TACC2: variants seen among roughly 807,000 people sequenced by gnomAD.
The protein encoded by TACC2 is transforming acidic coiled-coil-containing protein 2.
TACC2 carries 137 observed loss-of-function variants against 227.3 expected under a neutral mutation model. The ratio of observed to expected loss-of-function variants is 0.60; its 90% confidence interval spans 0.52 to 0.69. The LOEUF (loss-of-function observed/expected upper bound fraction) is 0.69, where lower values mean the gene tolerates loss of function less well. Ranked by LOEUF, TACC2 falls within the 30% of genes least tolerant of loss-of-function variation. TACC2 has a pLI of 0.00. For missense variants in TACC2, 3,470 were observed against 3,694.4 expected (o/e 0.94, Z 1.57); for synonymous variants, 1,523 against 1,487.5 (o/e 1.02, Z -0.55).
In TACC2 at chr10:121,999,243, G is replaced by A. The variant is rs541107598; in HGVS notation, c.-46+9755G>A. Among the ~76,000 whole-genome samples, 24 of 152,224 alleles carry A rather than the reference G, an allele frequency of 1.6e-4. No homozygotes were observed. The South Asian group carries it at 3.3e-3, about 21-fold the overall frequency. On this transcript the variant is annotated intron_variant, in intron 1 of 22. Coordinates refer to ENST00000369005, the MANE Select transcript of TACC2 (RefSeq NM_206862.4). ...AGGATGGTCTCAATCTCCTGAACTC[G>A]TGATTGGAATGGCCATTTCTAAGTG...
chr10:122,070,097 T>C (rs1157271437), intron 3 of TACC2, among the ~76,000 whole-genome samples: 2 of 152,184 alleles, frequency 1.3e-5, no homozygotes, highest in Non-Finnish European at 2.9e-5. Context: ...GCAATGAGGA[T>C]TTATTCTAAA....
At chr10:121,991,803 C>A (rs1021825198) in intron 1 of TACC2, among the ~76,000 whole-genome samples, 1 of 152,146 alleles carries the variant, frequency 6.6e-6, no homozygotes, top group Admixed American at 6.5e-5. Flanking sequence ...AAAGACATGC[C>A]CAAGATGGGC....
chr10:122,251,636 G>T (rs2096257222), intron 22 of TACC2, among the ~76,000 whole-genome samples: 1 of 152,186 alleles, frequency 6.6e-6, no homozygotes, highest in African/African-American at 2.4e-5. Flanking sequence ...GAAGTTCGAG[G>T]CTGTAGTGCA....
chr10:122,061,412 G>A (rs2076813897), intron 3 of TACC2, among the ~76,000 whole-genome samples: 1 of 152,094 alleles, frequency 6.6e-6, no homozygotes, highest in Non-Finnish European at 1.5e-5. Flanking sequence ...AGGTGTGTCT[G>A]CCGAGTTCCA....
intron 5 of TACC2, among the ~76,000 whole-genome samples, chr10:122,102,049 C>T (rs1424439009): frequency 2.0e-5 from 3 of 152,010 alleles, no homozygotes; most frequent in Admixed American, 1.3e-4. Flanking sequence ...AGTGTGCTTA[C>T]GCAGACCTAG....
intron 7 of TACC2, among the ~76,000 whole-genome samples, chr10:122,145,880 T>G (rs2091308805): frequency 2.0e-5 from 3 of 152,144 alleles, no homozygotes; most frequent in Admixed American, 2.0e-4. Flanking sequence ...GATCTCACCT[T>G]TAGCCCTGGA....
chr10:122,129,530 C>A (rs2087621689), intron 5 of TACC2, among the ~76,000 whole-genome samples: 1 of 152,194 alleles, frequency 6.6e-6, no homozygotes, highest in South Asian at 2.1e-4. Flanking sequence ...AAAATGAATT[C>A]TTGGAAGAAC....
At chr10:122,237,903 C>G (rs374576336) in intron 17 of TACC2, 58 bp from the exon 18 acceptor site, 2 of 1,299,262 alleles carry the variant, frequency 1.5e-6, no homozygotes, top group Non-Finnish European at 2.2e-6. Flanking sequence ...CTATGAATTG[C>G]TCAGAGCTGA....
At chr10:122,075,603 G>A (rs1015233186) in intron 3 of TACC2, among the ~76,000 whole-genome samples, 1 of 152,120 alleles carries the variant, frequency 6.6e-6, no homozygotes, top group Non-Finnish European at 1.5e-5. Context: ...CTAATTTGAG[G>A]GCCCAGGCAG....
At position 122,126,318 on chromosome 10, in the gene TACC2, G is replaced by C. The variant is rs544955451; in HGVS notation, c.5574-6291G>C. ...ATTCCATGGGTTATAATCCAGAACTGTGTGTGTGTGTGTGTGTGTGTGTGT... is the reference window on the plus strand; with the variant it reads ...ATTCCATGGGTTATAATCCAGAACTCTGTGTGTGTGTGTGTGTGTGTGTGT... On this transcript the variant is annotated intron_variant, in intron 5 of 22. Coordinates refer to ENST00000369005, the MANE Select transcript of TACC2 (RefSeq NM_206862.4). 2.5e-3 allele frequency among the ~76,000 whole-genome samples: 192 copies of C among 78,274 alleles called. 1 individual carries two copies. The highest frequency in any genetic ancestry group is 0.022 in the African/African-American group (187 of 8,352). 51.4% of individuals were successfully genotyped at this position (78,274 alleles called of 152,430 possible).
intron 7 of TACC2, among the ~76,000 whole-genome samples, chr10:122,160,187 T>C (rs932290814): frequency 1.3e-5 from 2 of 152,228 alleles, no homozygotes; most frequent in Non-Finnish European, 2.9e-5. Context: ...ATGGATGCAT[T>C]CCTTGATTTA....
chr10:122,203,634 T>C (rs1188475930), intron 8 of TACC2, among the ~76,000 whole-genome samples: 49 of 145,580 alleles, frequency 3.4e-4, no homozygotes, highest in Admixed American at 3.1e-3. Context: ...ACTTCCCAGA[T>C]GGGATGGCGG....
chr10:122,230,115 G>A (rs888423719), intron 15 of TACC2, among the ~76,000 whole-genome samples: 3 of 152,152 alleles, frequency 2.0e-5, no homozygotes, highest in Admixed American at 6.5e-5. Context: ...AAATCATTTC[G>A]TATTCAACTG....
In TACC2 at chr10:122,178,318, C is replaced by A. The variant is rs538320626; in HGVS notation, c.5835-16722C>A. 2.7e-5 allele frequency among the ~76,000 whole-genome samples: 4 copies of A among 150,908 alleles called. 1 individual carries two copies. The highest frequency in any genetic ancestry group is 5.9e-5 in the Non-Finnish European group (4 of 67,886). On this transcript the variant is annotated intron_variant, in intron 7 of 22. Coordinates refer to ENST00000369005, the MANE Select transcript of TACC2 (RefSeq NM_206862.4). ...GTGTCGTGATCTTTGTTCACTGCAACCTCCACCTCCCAGGTCCAAGCGATT... is the reference window on the plus strand; with the variant it reads ...GTGTCGTGATCTTTGTTCACTGCAAACTCCACCTCCCAGGTCCAAGCGATT...
chr10:122,088,601 A>T lies in TACC2; in HGVS notation c.5573+10A>T. Reference sequence around the variant, plus strand: ...CGGAAGGAACAGAAAGGTCAGCGAAAGATATTGGTCTTTGGAAGGCCATGA... The same window carrying T: ...CGGAAGGAACAGAAAGGTCAGCGAATGATATTGGTCTTTGGAAGGCCATGA... On this transcript the variant is annotated intron_variant, in intron 5 of 22. Coordinates refer to ENST00000369005, the MANE Select transcript of TACC2 (RefSeq NM_206862.4). 6.2e-7 allele frequency: 1 copy of T among 1,610,236 alleles called. No individual in the cohort carries two copies.
intron 20 of TACC2, 90 bp from the exon 21 acceptor site, chr10:122,248,960 C>A: frequency 6.7e-7 from 1 of 1,486,168 alleles, no homozygotes; most frequent in Non-Finnish European, 9.3e-7. Flanking sequence ...CCTGGGGTTA[C>A]ACCTGCATCC....
Position 122,090,733 on chromosome 10 carries a change from A to C in TACC2, c.5573+2142A>C, listed in dbSNP as rs7079313. On this transcript the variant is annotated intron_variant, in intron 5 of 22. Transcript: ENST00000369005. ...AACTCTTTAAAAACAAATCCTTAAA[A>C]AATTATTTATTTATTCATGTATTTA... 4.3e-3 allele frequency among the ~76,000 whole-genome samples: 649 copies of C among 152,072 alleles called. 2 individuals carry two copies. Among genetic ancestry groups the C allele is most frequent in the African/African-American group, 0.014 (567 of 41,506 alleles).
intron 16 of TACC2, among the ~76,000 whole-genome samples, chr10:122,236,339 A>T (rs145815849): frequency 3.9e-5 from 6 of 152,302 alleles, no homozygotes; most frequent in African/African-American, 1.2e-4. Context: ...TTCCCAAGGG[A>T]AGAAGCAGCC....
At position 122,237,515 on chromosome 10, in the gene TACC2, GCCCTCCAGATC is replaced by G; in HGVS notation, c.8249_8259del (p.Ala2750GlyfsTer18). The stretch of plus-strand genomic sequence containing the variant: ...GTTCCAGCAGCCCGACCTGGACTCT[GCCCTCCAGATC>G]GCCAGAGCAGAGGTATCGTGGCATG... On this transcript the variant is annotated frameshift_variant, in exon 17 of 23. Coordinates refer to ENST00000369005, the MANE Select transcript of TACC2 (RefSeq NM_206862.4). LOFTEE classifies it high-confidence loss of function. The G allele has an allele frequency of 6.2e-7, 1 of 1,613,748 alleles. No homozygotes were observed. The highest frequency in any genetic ancestry group is 8.5e-7 in the Non-Finnish European group (1 of 1,179,790).
Sources: allele counts gnomAD v4.1 joint callset (sites outside exome capture counted in the v4.1 genomes callset), GRCh38; gene constraint gnomAD v4.1.1; transcripts MANE v1.5; gene names NCBI Gene and HGNC (gene_info 2026-07-23, HGNC 2026-07-21).